The following ADAMTS19 variants were observed in gnomAD, a reference collection of about 807,000 sequenced individuals.
ADAMTS19 encodes ADAM metallopeptidase with thrombospondin type 1 motif 19.
ADAMTS19 carries 93 observed loss-of-function variants against 153.3 expected under a neutral mutation model. The ratio of observed to expected loss-of-function variants is 0.61; its 90% CI spans 0.51 to 0.72. The LOEUF (loss-of-function observed/expected upper bound fraction) is 0.72. ADAMTS19 is among the 30% of genes least tolerant of loss of function. The pLI is 0.00. For synonymous variants in ADAMTS19, 600 were observed against 556.6 expected (o/e 1.08, Z -1.10); for missense variants, 1,482 against 1,552.1 (o/e 0.95, Z 0.76).
intron 3 of ADAMTS19, 83 bp downstream of exon 3, chr5:129,509,325 T>C: frequency 8.3e-7 from 1 of 1,209,052 alleles, no homozygotes; most frequent in South Asian, 1.6e-5. Context: ...GTCTATTTAC[T>C]AGCTTTACTT....
At chr5:129,683,036 A>C (rs1754894742) in intron 17 of ADAMTS19, among the ~76,000 whole-genome samples, 1 of 152,150 alleles carries the variant, frequency 6.6e-6, no homozygotes, top group Admixed American at 6.6e-5. Context: ...AAAGTTCTTC[A>C]ATAATTTATC....
chr5:129,612,220 G>C (rs746523186), intron 8 of ADAMTS19, among the ~76,000 whole-genome samples: 1 of 147,088 alleles, frequency 6.8e-6, no homozygotes, highest in African/African-American at 2.5e-5. Flanking sequence ...GAGAACATAC[G>C]GTGTTTGGTT....
chr5:129,588,580 T>C (rs1345188494), intron 7 of ADAMTS19, among the ~76,000 whole-genome samples: 1 of 152,014 alleles, frequency 6.6e-6, no homozygotes, highest in East Asian at 1.9e-4. Context: ...TATTTTATCA[T>C]TAGTTTGAGA....
At chr5:129,595,886 A>T (rs903463290) in intron 7 of ADAMTS19, among the ~76,000 whole-genome samples, 2 of 152,008 alleles carry the variant, frequency 1.3e-5, no homozygotes, top group African/African-American at 4.8e-5. Flanking sequence ...AAAGAATATC[A>T]AGGAGTTTAA....
At chr5:129,530,570 A>G (rs942537598) in intron 6 of ADAMTS19, among the ~76,000 whole-genome samples, 3 of 152,196 alleles carry the variant, frequency 2.0e-5, no homozygotes, top group Non-Finnish European at 2.9e-5. Context: ...GTGAAACAAC[A>G]TTTCTAATGT....
chr5:129,492,848 A>G (rs938535025), intron 2 of ADAMTS19, among the ~76,000 whole-genome samples: 1 of 152,148 alleles, frequency 6.6e-6, no homozygotes, highest in African/African-American at 2.4e-5. Flanking sequence ...TTTCCCGAAC[A>G]TGCCATAATA....
intron 2 of ADAMTS19, among the ~76,000 whole-genome samples, chr5:129,469,407 G>A (rs898889378): frequency 6.6e-6 from 1 of 152,050 alleles, no homozygotes; most frequent in Admixed American, 6.6e-5. Flanking sequence ...CTATCTAGTG[G>A]ACATAATTGG....
At chr5:129,536,133 C>G (rs1481682397) in intron 6 of ADAMTS19, among the ~76,000 whole-genome samples, 2 of 152,056 alleles carry the variant, frequency 1.3e-5, no homozygotes, top group East Asian at 1.9e-4. Context: ...GCAACCTACA[C>G]AATGGAGAAA....
At chr5:129,496,303 A>C (rs1373595354) in intron 2 of ADAMTS19, among the ~76,000 whole-genome samples, 1 of 152,134 alleles carries the variant, frequency 6.6e-6, no homozygotes, top group Non-Finnish European at 1.5e-5. Context: ...AAAGATATTT[A>C]AGATTGTCAG....
rs753954176 is a variant in ADAMTS19 at position 129,526,446 on chromosome 5, T to A, written c.1076T>A (p.Ile359Asn). 63 of 1,591,700 alleles carry A rather than the reference T, an allele frequency of 4.0e-5. No individual in the cohort carries two copies. The East Asian group carries it at 1.4e-3, about 34-fold the overall frequency. Reference sequence around the variant, plus strand: ...GCAGCCAGGAGATTCATTCTAACCATCTTAAATATGGTAGGCAAACTTTAA... The same window carrying A: ...GCAGCCAGGAGATTCATTCTAACCAACTTAAATATGGTAGGCAAACTTTAA... ...ADAARRFILT[I>N]LNMVFNLFQH... The change falls in exon 4 of 23, where the codon ATC becomes AAC. Residue 359 changes from isoleucine (I) to asparagine (N), a missense_variant. By Grantham distance (149) the Ile-to-Asn change is moderately radical. Around this residue, in one of 2 missense-constraint regions of ADAMTS19, gnomAD observed 866 missense variants for 827.7 expected, o/e 1.05. Coordinates refer to ENST00000274487, the MANE Select transcript of ADAMTS19 (RefSeq NM_133638.6).
Position 129,461,820 on chromosome 5 carries a change from C to T in ADAMTS19, c.747+63C>T. On this transcript the variant is annotated intron_variant, in intron 2 of 22. Coordinates refer to ENST00000274487, the MANE Select transcript of ADAMTS19 (RefSeq NM_133638.6). The surrounding 1 kb of genome is among the most constrained non-coding windows in gnomAD (Gnocchi z 4.6). ...GCTGCTCCTCTCCTTGCCCATAGGTCAGGATGATTTGCATGCACCTTCTCC... is the reference window on the plus strand; with the variant it reads ...GCTGCTCCTCTCCTTGCCCATAGGTTAGGATGATTTGCATGCACCTTCTCC... 1 of 1,457,110 alleles carries T rather than the reference C, an allele frequency of 6.9e-7. No individual in the cohort carries two copies. The highest frequency in any genetic ancestry group is 9.0e-7 in the Non-Finnish European group (1 of 1,113,478). The allele number at this position is 1,457,110 out of a possible 1,614,324, so 90.3% of individuals were successfully genotyped here.
At chr5:129,655,616 G>C (rs571939970) in intron 14 of ADAMTS19, among the ~76,000 whole-genome samples, 1 of 151,580 alleles carries the variant, frequency 6.6e-6, no homozygotes, top group East Asian at 1.9e-4. Flanking sequence ...TTTTTTCCTC[G>C]TAAAAATGCA....
chr5:129,491,866 A>C (rs56937175), intron 2 of ADAMTS19, among the ~76,000 whole-genome samples: 1 of 152,208 alleles, frequency 6.6e-6, no homozygotes, highest in Non-Finnish European at 1.5e-5. Context: ...ATTTAAAAAA[A>C]CTCACAATAT....
intron 21 of ADAMTS19, among the ~76,000 whole-genome samples, chr5:129,728,091 T>C (rs1050052312): frequency 1.3e-5 from 2 of 152,104 alleles, no homozygotes; most frequent in Non-Finnish European, 1.5e-5. Flanking sequence ...CATTATACAC[T>C]AATTATACAT....
intron 8 of ADAMTS19, among the ~76,000 whole-genome samples, chr5:129,604,047 G>A (rs569030309): frequency 6.6e-6 from 1 of 151,858 alleles, no homozygotes; most frequent in African/African-American, 2.4e-5. Flanking sequence ...AAAGTACCAT[G>A]TTCCAGTGAG....
At chr5:129,620,211 GA>G (rs1197695114) in intron 8 of ADAMTS19, among the ~76,000 whole-genome samples, 4 of 151,924 alleles carry the variant, frequency 2.6e-5, no homozygotes, top group Admixed American at 2.6e-4. Context: ...TTTGGTAAAA[GA>G]TGTGTTTGTT....
At chr5:129,716,985 A>T (rs937509462) in intron 21 of ADAMTS19, among the ~76,000 whole-genome samples, 3 of 152,166 alleles carry the variant, frequency 2.0e-5, no homozygotes, top group Admixed American at 6.5e-5. Context: ...TTACTTCTAC[A>T]GTCTCTATGT....
chr5:129,735,157 T>C (rs773324549), intron 22 of ADAMTS19, 48 bp downstream of exon 22: 6 of 1,462,468 alleles, frequency 4.1e-6, no homozygotes, highest in South Asian at 1.4e-5. Flanking sequence ...TAGAAATGCT[T>C]ATGGCTTCTT....
intron 16 of ADAMTS19, among the ~76,000 whole-genome samples, chr5:129,672,824 A>G (rs1489629059): frequency 1.3e-5 from 2 of 152,186 alleles, no homozygotes; most frequent in East Asian, 3.9e-4. Context: ...ACACACACAC[A>G]CACACACAAA....
Sources: allele counts gnomAD v4.1 joint callset (sites outside exome capture counted in the v4.1 genomes callset), GRCh38; gene constraint gnomAD v4.1.1; regional missense constraint gnomAD v4.1.1; non-coding constraint Gnocchi (gnomAD v3.1); transcripts MANE v1.5; gene names NCBI Gene and HGNC (gene_info 2026-07-23, HGNC 2026-07-21).